BMP2K: variants seen among roughly 807,000 people sequenced by gnomAD.
BMP2K encodes the protein BMP-2-inducible protein kinase.
A neutral mutation model predicts 116.0 loss-of-function variants in BMP2K; 74 were observed. The ratio of observed to expected loss-of-function variants is 0.64; its 90% CI spans 0.53 to 0.77. BMP2K has a LOEUF of 0.77. Ranked by LOEUF, BMP2K falls within the 30% of genes least tolerant of loss-of-function variation. BMP2K has a pLI of 0.00. For missense variants in BMP2K, 1,365 were observed against 1,403.6 expected, an observed-to-expected ratio of 0.97 and a Z score of 0.44; for synonymous variants, 486 against 502.5, an observed-to-expected ratio of 0.97 and a Z score of 0.44.
intron 1 of BMP2K, among the ~76,000 whole-genome samples, chr4:78,785,609 G>A (rs1223128874): frequency 1.3e-5 from 2 of 152,092 alleles, no homozygotes; most frequent in Non-Finnish European, 2.9e-5. Context: ...CACAATATAT[G>A]TATTTTAGAG....
chr4:78,812,062 C>G (rs1729121039), intron 1 of BMP2K, among the ~76,000 whole-genome samples: 1 of 152,128 alleles, frequency 6.6e-6, no homozygotes, highest in South Asian at 2.1e-4. Flanking sequence ...CAACCTCCAT[C>G]TCCCAGGTTC....
chr4:78,886,164 A>G (rs1022813503), intron 14 of BMP2K, among the ~76,000 whole-genome samples: 3 of 152,120 alleles, frequency 2.0e-5, no homozygotes. Flanking sequence ...CCTGAACTGT[A>G]TGGAGAGTTT....
intron 15 of BMP2K, among the ~76,000 whole-genome samples, chr4:78,910,044 T>C (rs1734500299): frequency 6.6e-6 from 1 of 152,170 alleles, no homozygotes. Flanking sequence ...TTTGGTACAG[T>C]CTCCATTTAG....
At chr4:78,784,456 G>C (rs1217313491) in intron 1 of BMP2K, among the ~76,000 whole-genome samples, 2 of 152,212 alleles carry the variant, frequency 1.3e-5, no homozygotes. Flanking sequence ...GTTAATGACT[G>C]AGCTGTTTTA....
chr4:78,883,428 T>G (rs1325648758), intron 14 of BMP2K, among the ~76,000 whole-genome samples: 1 of 152,200 alleles, frequency 6.6e-6, no homozygotes, highest in Non-Finnish European at 1.5e-5. Context: ...TTTTAAAAAT[T>G]CAATTGAAAA....
intron 2 of BMP2K, among the ~76,000 whole-genome samples, chr4:78,828,487 G>A (rs1307361316): frequency 1.3e-5 from 2 of 152,124 alleles, no homozygotes; most frequent in Admixed American, 6.5e-5. Flanking sequence ...AGGGTATAGT[G>A]CAGGACTCTT....
At chr4:78,896,453 G>C (rs367624794) in intron 15 of BMP2K, among the ~76,000 whole-genome samples, 20 of 152,282 alleles carry the variant, frequency 1.3e-4, no homozygotes, top group African/African-American at 4.8e-4. Context: ...CTTGCTGTGT[G>C]TATCAGTTTC....
intron 7 of BMP2K, among the ~76,000 whole-genome samples, chr4:78,855,738 C>T (rs922050480): frequency 2.0e-5 from 3 of 152,154 alleles, no homozygotes; most frequent in African/African-American, 4.8e-5. Context: ...ACCTTCAGTG[C>T]TGAAGCTCTA....
intron 1 of BMP2K, among the ~76,000 whole-genome samples, chr4:78,807,491 G>A (rs62310805): frequency 6.6e-6 from 1 of 151,798 alleles, no homozygotes; most frequent in African/African-American, 2.4e-5. Flanking sequence ...TTGAGGATTG[G>A]TGTTAATTCA....
intron 15 of BMP2K, among the ~76,000 whole-genome samples, chr4:78,887,543 C>T (rs1733164568): frequency 6.6e-6 from 1 of 151,886 alleles, no homozygotes; most frequent in African/African-American, 2.4e-5. Flanking sequence ...TTATTGGATA[C>T]TGTTGAAAAA....
rs1474765238 is a variant in BMP2K at position 78,864,386 on chromosome 4, T to TCG, written c.1068-1171_1068-1170insCG. ...AAAACAAGATATAATTGATTACATA[T>TCG]ATATATACACCGATATATATATCGG... is the stretch of plus-strand genomic sequence containing the variant. On this transcript the variant is annotated intron_variant, in intron 9 of 15. Transcript: ENST00000502613. 2.0e-5 allele frequency among the ~76,000 whole-genome samples: 3 copies of TCG among 151,848 alleles called. No individual in the cohort carries two copies. The East Asian group carries it at 5.8e-4, about 29-fold the overall frequency.
At position 78,912,250 on chromosome 4, in the gene BMP2K, C is replaced by CTTA. The variant is rs1648836311; in HGVS notation, c.*218_*219insTAT. 4.0e-6 allele frequency: 2 copies of CTTA among 497,646 alleles called. No homozygotes were observed. Among genetic ancestry groups the CTTA allele is most frequent in the Non-Finnish European group, 7.0e-6 (2 of 284,146 alleles). 30.8% of individuals were successfully genotyped at this position (497,646 alleles called of 1,614,324 possible). A position where few individuals can be genotyped will look rare whatever the true frequency, so the allele number is the denominator to read the frequency against. ...AGAAAAGGGAGCTAAATTGCAAGCT[C>CTTA]TAACTAAGGGTTTCTGCTACTGACA... On this transcript the variant is annotated 3_prime_UTR_variant, in exon 16 of 16. Transcript: ENST00000502613.
intron 1 of BMP2K, among the ~76,000 whole-genome samples, chr4:78,780,740 A>G (rs1727465270): frequency 6.6e-6 from 1 of 152,236 alleles, no homozygotes; most frequent in Non-Finnish European, 1.5e-5. Flanking sequence ...AGTAGAGGAC[A>G]ATAGTGGAGG....
intron 5 of BMP2K, 64 bp downstream of exon 5, chr4:78,845,113 A>T (rs1345501198): frequency 7.5e-7 from 1 of 1,331,920 alleles, no homozygotes; most frequent in Non-Finnish European, 1.0e-6. Context: ...GTCTCTGGCC[A>T]GCACTGCTAA....
At chr4:78,784,878 A>G (rs1727662177) in intron 1 of BMP2K, among the ~76,000 whole-genome samples, 2 of 152,174 alleles carry the variant, frequency 1.3e-5, no homozygotes, top group South Asian at 4.1e-4. Flanking sequence ...TGAATTTGTA[A>G]CATCTTTTTC....
chr4:78,832,397 A>G (rs887422425), intron 2 of BMP2K, among the ~76,000 whole-genome samples: 1 of 152,176 alleles, frequency 6.6e-6, no homozygotes, highest in African/African-American at 2.4e-5. Flanking sequence ...CGTCTTTACT[A>G]ACACACATAT....
intron 1 of BMP2K, among the ~76,000 whole-genome samples, chr4:78,802,058 T>C (rs1728591967): frequency 6.6e-6 from 1 of 152,244 alleles, no homozygotes; most frequent in Admixed American, 6.5e-5. Context: ...GAAGTCTTTA[T>C]TTTAACTTCA....
At chr4:78,805,056 G>T (rs923484528) in intron 1 of BMP2K, among the ~76,000 whole-genome samples, 7 of 152,042 alleles carry the variant, frequency 4.6e-5, no homozygotes, top group African/African-American at 1.7e-4. Flanking sequence ...CTCTTATTTA[G>T]GTCTTTGTTC....
chr4:78,801,213 C>T (rs2109955165), intron 1 of BMP2K, among the ~76,000 whole-genome samples: 1 of 152,082 alleles, frequency 6.6e-6, no homozygotes, highest in African/African-American at 2.4e-5. Context: ...TTTTTACAAA[C>T]CTGAATTTCT....
Sources: gnomAD v4.1 joint callset for allele counts (sites outside exome capture counted in the v4.1 genomes callset) on GRCh38, gnomAD v4.1.1 for gene constraint, MANE v1.5 for transcripts, NCBI Gene and HGNC (gene_info 2026-07-23, HGNC 2026-07-21) for gene names.